The following SVBP variants were observed in gnomAD, a reference collection of about 807,000 sequenced individuals.
The protein encoded by SVBP is small vasohibin binding protein, also known as small vasohibin-binding protein.
SVBP carries 9 observed loss-of-function variants against 9.2 expected under a neutral mutation model. The ratio of observed to expected loss-of-function variants is 0.98; its 90% CI spans 0.59 to 1.71. The LOEUF is 1.71. Among genes scored for constraint, SVBP ranks in the 40% most tolerant of loss-of-function variants. The pLI is 0.00. For synonymous variants in SVBP, 27 were observed against 23.9 expected (o/e 1.13, Z -0.37); for missense variants, 63 against 73.2 (o/e 0.86, Z 0.51).
At chr1:42,815,747 A>G (rs1295508184) in intron 2 of SVBP, among the ~76,000 whole-genome samples, 1 of 152,232 alleles carries the variant, frequency 6.6e-6, no homozygotes, top group Non-Finnish European at 1.5e-5. Flanking sequence ...AAAATTTAAA[A>G]TACTACTGTA....
intron 2 of SVBP, 40 bp from the exon 3 acceptor site, chr1:42,807,540 C>T: frequency 6.7e-7 from 1 of 1,481,850 alleles, no homozygotes; most frequent in Non-Finnish European, 9.4e-7. Flanking sequence ...GCAATGGAAG[C>T]AGCTGCACAA....
rs1654263647 is a variant in SVBP at position 42,817,309 on chromosome 1, C to T, written c.-156G>A. On this transcript the variant is annotated 5_prime_UTR_variant, in exon 1 of 3. Coordinates refer to ENST00000372521, the MANE Select transcript of SVBP (RefSeq NM_199342.4). ...CCAGCGCTGCCTGCCCACCGCCCCT[C>T]GTCCTGGGCGGGGCCGCGCGCCGGG... 1 of 1,172,656 alleles carries T rather than the reference C, an allele frequency of 8.5e-7. No individual in the cohort carries two copies. The highest frequency in any genetic ancestry group is 1.1e-6 in the Non-Finnish European group (1 of 909,852). The allele number at this position is 1,172,656 out of a possible 1,614,324, so 72.6% of individuals were successfully genotyped here. A position where few individuals can be genotyped will look rare whatever the true frequency, so the allele number is the denominator to read the frequency against.
At chr1:42,817,136 G>C (rs1441604763) in intron 1 of SVBP, 54 bp downstream of exon 1, 42 of 1,191,636 alleles carry the variant, frequency 3.5e-5, no homozygotes, top group Admixed American at 5.9e-5. Context: ...TCCCTCTCCT[G>C]GAGGAAAATG....
intron 2 of SVBP, among the ~76,000 whole-genome samples, chr1:42,808,178 T>TATATATAC (rs1366167570): frequency 1.4e-5 from 1 of 72,466 alleles, no homozygotes; most frequent in African/African-American, 5.0e-5. Context: ...TATATATATA[T>TATATATAC]ACATACTATG....
intron 2 of SVBP, among the ~76,000 whole-genome samples, chr1:42,807,735 A>G (rs1173863570): frequency 1.3e-5 from 2 of 152,080 alleles, no homozygotes; most frequent in Non-Finnish European, 2.9e-5. Context: ...ATCCCTTAAG[A>G]AGAAAACAAG....
chr1:42,812,030 C>T (rs776286057), intron 2 of SVBP, among the ~76,000 whole-genome samples: 72 of 147,668 alleles, frequency 4.9e-4, no homozygotes, highest in Non-Finnish European at 9.1e-4. Flanking sequence ...TTACTAAAGA[C>T]AATATCCTTG....
In SVBP at chr1:42,807,169, T is replaced by TTAA. The variant is rs1553147635; in HGVS notation, c.*244_*245insTTA. ...TTTGTGTGTGTTTTTTTTTTTTTTT[T>TTAA]AAAAAAACCCAAAAAACAAAACCAC... On this transcript the variant is annotated 3_prime_UTR_variant, in exon 3 of 3. Transcript: ENST00000372521. 5.6e-5 allele frequency: 15 copies of TTAA among 268,654 alleles called. No individual in the cohort carries two copies. The East Asian group carries it at 7.2e-4, about 13-fold the overall frequency. The allele number at this position is 268,654 out of a possible 1,614,324, so 16.6% of individuals were successfully genotyped here.
intron 2 of SVBP, 21 bp from the exon 3 acceptor site, chr1:42,807,521 C>A: frequency 1.9e-6 from 3 of 1,576,840 alleles, no homozygotes; most frequent in Non-Finnish European, 2.6e-6. Flanking sequence ...GAAAGAGATA[C>A]ATCTGTTAGC....
At chr1:42,808,145 G>A (rs370152099) in intron 2 of SVBP, among the ~76,000 whole-genome samples, 13,040 of 43,632 alleles carry the variant, frequency 0.3, 1,070 homozygotes, top group South Asian at 0.44. Context: ...GTGTGTGTGT[G>A]TGTGTATATA....
At chr1:42,809,579 T>C (rs941448392) in intron 2 of SVBP, among the ~76,000 whole-genome samples, 1 of 152,152 alleles carries the variant, frequency 6.6e-6, no homozygotes, top group Non-Finnish European at 1.5e-5. Context: ...GCCAACACAT[T>C]TGACAACCTA....
At chr1:42,809,135 G>T (rs1359719315) in intron 2 of SVBP, 1 of 152,058 alleles carries the variant, frequency 6.6e-6, no homozygotes. Context: ...TGAAAGGCAG[G>T]GTAACTACAC....
At chr1:42,813,679 CG>C (rs1356625487) in intron 2 of SVBP, 3 of 532,360 alleles carry the variant, frequency 5.6e-6, no homozygotes, top group Non-Finnish European at 1.2e-5. Context: ...TTGTTGTACA[CG>C]GAAGTATAGA....
At chr1:42,816,143 C>G in intron 2 of SVBP, 2 of 326,150 alleles carry the variant, frequency 6.1e-6, no homozygotes, top group Non-Finnish European at 1.1e-5. Flanking sequence ...CTCATTCTGA[C>G]CCCTTCTTTC....
chr1:42,814,610 C>T (rs1018106518), intron 2 of SVBP, among the ~76,000 whole-genome samples: 19 of 3,114 alleles, frequency 6.1e-3, no homozygotes, highest in African/African-American at 0.017. Flanking sequence ...AGCAAGACTC[C>T]GTCTCAAAAA....
At chr1:42,812,579 C>T (rs1401558096) in intron 2 of SVBP, among the ~76,000 whole-genome samples, 3 of 152,222 alleles carry the variant, frequency 2.0e-5, no homozygotes, top group African/African-American at 7.2e-5. Flanking sequence ...CCCCTGGTAA[C>T]GTTAGAAGGA....
At chr1:42,814,615 CAA>C (rs34903453) in intron 2 of SVBP, among the ~76,000 whole-genome samples, 2,327 of 150,800 alleles carry the variant, frequency 0.015, 71 homozygotes, top group African/African-American at 0.053. Context: ...GACTCCGTCT[CAA>C]AAAAAAAAGA....
chr1:42,808,200 T>C (rs1654007976), intron 2 of SVBP, among the ~76,000 whole-genome samples: 1 of 140,322 alleles, frequency 7.1e-6, no homozygotes, highest in Non-Finnish European at 1.5e-5. Context: ...ATAGTATATA[T>C]AGCTTATATA....
intron 2 of SVBP, among the ~76,000 whole-genome samples, chr1:42,812,395 T>G (rs1654100978): frequency 6.6e-6 from 1 of 152,250 alleles, no homozygotes; most frequent in Admixed American, 6.5e-5. Context: ...ACCATTTTCT[T>G]GTTGCTCTTA....
In SVBP at chr1:42,807,326, T is replaced by C. The variant is rs1049365633; in HGVS notation, c.*88A>G. 3 of 904,084 alleles carry C rather than the reference T, an allele frequency of 3.3e-6. No homozygotes were observed. The highest frequency in any genetic ancestry group is 5.5e-6 in the Non-Finnish European group (3 of 542,012). 56.0% of individuals were successfully genotyped at this position (904,084 alleles called of 1,614,324 possible). On this transcript the variant is annotated 3_prime_UTR_variant, in exon 3 of 3. Transcript: ENST00000372521. ...CCACAAATGTCTTCTGGTCTAGTTCTGTAAGGCTCCAAATGGGCCATCTCA... is the reference window on the plus strand; with the variant it reads ...CCACAAATGTCTTCTGGTCTAGTTCCGTAAGGCTCCAAATGGGCCATCTCA...
Sources: allele counts gnomAD v4.1 joint callset (sites outside exome capture counted in the v4.1 genomes callset), GRCh38; gene constraint gnomAD v4.1.1; transcripts MANE v1.5; gene names NCBI Gene and HGNC (gene_info 2026-07-23, HGNC 2026-07-21).